Variants in SUGP2 observed in about 807,000 individuals in gnomAD.
SUGP2 encodes the protein SURP and G-patch domain containing 2.
Under a neutral mutation model 90.5 loss-of-function variants are expected in SUGP2, and 24 were observed. That is an observed-to-expected ratio of 0.27 (90% CI 0.19 to 0.37). The LOEUF (loss-of-function observed/expected upper bound fraction) is 0.37, where lower values mean the gene tolerates loss of function less well. SUGP2 is among the 10% of genes least tolerant of loss of function. SUGP2 has a pLI of 1.00. For missense variants in SUGP2, 1,233 were observed against 1,363.3 expected (o/e 0.90, Z 1.51); for synonymous variants, 473 against 513.4 (o/e 0.92, Z 1.06).
At chr19:18,994,257 G>T in intron 10 of SUGP2, 109 bp downstream of exon 10, 5 of 1,427,550 alleles carry the variant, frequency 3.5e-6, no homozygotes, top group Admixed American at 2.0e-5. Context: ...TTTTTTGTGT[G>T]TGGCATTTTT....
chr19:19,003,989 A>C (rs527641395), intron 7 of SUGP2, among the ~76,000 whole-genome samples, 179 bp downstream of exon 7: 1 of 152,360 alleles, frequency 6.6e-6, no homozygotes, highest in African/African-American at 2.4e-5. Context: ...GGTAGCAAGG[A>C]AACATGTCCT....
At chr19:19,002,516 T>TTTTTTTTTTTTTTG (rs1568389388) in intron 7 of SUGP2, among the ~76,000 whole-genome samples, 29 of 140,040 alleles carry the variant, frequency 2.1e-4, no homozygotes, top group African/African-American at 7.7e-4. Flanking sequence ...TTTTTTTTTT[T>TTTTTTTTTTTTTTG]TTTTTTTTTT....
Position 19,025,933 on chromosome 19 carries a change from C to G in SUGP2, c.415G>C (p.Ala139Pro), listed in dbSNP as rs772513115. ...TCTTGTTCCCAAGAACCACGGAGCG[C>G]AAATTTCCAGTCCTGAGAACGGAAA... ...GHFRSQDWKF[A>P]LRGSWEQDFG... Residue 139 changes from alanine (A) to proline (P), a missense_variant, in exon 3 of 11, where the codon GCG (alanine) becomes CCG (proline). By Grantham distance (27) the Ala-to-Pro change is conservative. Around this residue, in one of 8 missense-constraint regions of SUGP2, gnomAD observed 418 missense variants for 399.9 expected, o/e 1.05. Coordinates refer to ENST00000452918, the MANE Select transcript of SUGP2 (RefSeq NM_001017392.5). 1.2e-6 allele frequency: 2 copies of G among 1,614,164 alleles called. No homozygotes were observed.
chr19:19,013,204 T>C (rs1008760213), intron 4 of SUGP2, among the ~76,000 whole-genome samples: 6 of 152,236 alleles, frequency 3.9e-5, no homozygotes, highest in Non-Finnish European at 8.8e-5. Flanking sequence ...TTTATTTACA[T>C]GGCTCAAAGC....
chr19:19,009,355 C>T (rs959176537), intron 5 of SUGP2, among the ~76,000 whole-genome samples: 6 of 152,124 alleles, frequency 3.9e-5, no homozygotes, highest in African/African-American at 1.4e-4. Context: ...GCCTGTGGTA[C>T]AGAGAGAAAG....
intron 8 of SUGP2, among the ~76,000 whole-genome samples, chr19:18,999,275 A>G (rs758304403): frequency 2.0e-5 from 3 of 152,132 alleles, no homozygotes; most frequent in Non-Finnish European, 4.4e-5. Context: ...ACCCACAGTC[A>G]CTGGCAGACA....
At chr19:19,014,727 G>C (rs557371008) in intron 4 of SUGP2, among the ~76,000 whole-genome samples, 2 of 151,782 alleles carry the variant, frequency 1.3e-5, no homozygotes, top group South Asian at 2.1e-4. Context: ...TGTGAGCCCA[G>C]GTTGAGGCTG....
At chr19:19,000,487 C>T (rs1357873585) in intron 8 of SUGP2, among the ~76,000 whole-genome samples, 1 of 152,226 alleles carries the variant, frequency 6.6e-6, no homozygotes, top group Non-Finnish European at 1.5e-5. Flanking sequence ...GCACACACCA[C>T]GCTCTGCTTA....
At chr19:19,026,322 A>G (rs573051076) in intron 2 of SUGP2, 96 bp from the exon 3 acceptor site, 1 of 1,301,536 alleles carries the variant, frequency 7.7e-7, no homozygotes, top group South Asian at 1.6e-5. Context: ...ACGGATCACC[A>G]GGCAGCAAAA....
At chr19:19,013,794 C>A (rs2058390561) in intron 4 of SUGP2, among the ~76,000 whole-genome samples, 1 of 147,348 alleles carries the variant, frequency 6.8e-6, no homozygotes, top group Admixed American at 6.6e-5. Context: ...TCAGGGCTGG[C>A]CCACTCCCAG....
At chr19:19,001,078 C>T (rs548577644) in intron 8 of SUGP2, among the ~76,000 whole-genome samples, 19 of 150,908 alleles carry the variant, frequency 1.3e-4, no homozygotes, top group African/African-American at 4.2e-4. Context: ...TGCAGTGGCG[C>T]GATCTCGGCT....
In SUGP2 at chr19:19,026,240, T is replaced by G; in HGVS notation, c.122-14A>C. 1 of 1,433,888 alleles carries G rather than the reference T, an allele frequency of 7.0e-7. No homozygotes were observed. Among genetic ancestry groups the G allele is most frequent in the East Asian group, 2.5e-5 (1 of 40,080 alleles). The allele number at this position is 1,433,888 out of a possible 1,614,324, so 88.8% of individuals were successfully genotyped here. A position where few individuals can be genotyped will look rare whatever the true frequency, so the allele number is the denominator to read the frequency against. On this transcript the variant is annotated splice_polypyrimidine_tract_variant and intron_variant, in intron 2 of 10. Transcript: ENST00000452918. ...CCCTTAAGAGATCTGAAATAAACCA[T>G]CCAAAAAAAAAAAAGAAGAAGCCAA... is the stretch of plus-strand genomic sequence containing the variant.
intron 3 of SUGP2, among the ~76,000 whole-genome samples, chr19:19,021,783 C>G (rs1378206509): frequency 6.6e-6 from 1 of 151,872 alleles, no homozygotes; most frequent in African/African-American, 2.4e-5. Context: ...TCTCCTGCCT[C>G]AGCTTCCCAA....
intron 3 of SUGP2, among the ~76,000 whole-genome samples, chr19:19,019,967 T>C (rs2058652979): frequency 2.4e-5 from 2 of 84,512 alleles, no homozygotes; most frequent in East Asian, 4.1e-4. Context: ...GGCAACATGG[T>C]GAAACTCCGT....
intron 9 of SUGP2, chr19:18,994,833 C>T (rs770000651): frequency 1.1e-4 from 61 of 537,406 alleles, no homozygotes; most frequent in South Asian, 2.4e-4. Context: ...TATGGGTTCC[C>T]GGGAATGGGA....
chr19:19,008,548 G>T, intron 5 of SUGP2, 120 bp from the exon 6 acceptor site: 1 of 796,910 alleles, frequency 1.3e-6, no homozygotes, highest in Non-Finnish European at 2.2e-6. Context: ...CTGTAGCCTT[G>T]CCCTTCGTCA....
At chr19:19,029,869 G>A (rs1291041929) in intron 2 of SUGP2, among the ~76,000 whole-genome samples, 1 of 151,974 alleles carries the variant, frequency 6.6e-6, no homozygotes, top group Admixed American at 6.6e-5. Context: ...CTTGAATCCA[G>A]GAGGCACAGG....
chr19:19,025,812 A>C lies in SUGP2; in HGVS notation c.536T>G (p.Ile179Ser). The part of the protein sequence containing the change: ...VLGDFGSSRL[I>S]EKECLEKESR... ...CTCCTTCTCCAAACACTCTTTCTCA[A>C]TCAGCCTGGAAGATCCAAAGTCCCC... Residue 179 changes from isoleucine to serine, a missense_variant, in exon 3 of 11, where the codon ATT becomes AGT. Physicochemically the swap from Ile to Ser is moderately radical, Grantham distance 142. Coordinates refer to ENST00000452918, the MANE Select transcript of SUGP2 (RefSeq NM_001017392.5). The C allele has an allele frequency of 6.2e-7, 1 of 1,613,988 alleles. No homozygotes were observed. Among genetic ancestry groups the C allele is most frequent in the Non-Finnish European group, 8.5e-7 (1 of 1,179,998 alleles).
intron 8 of SUGP2, among the ~76,000 whole-genome samples, chr19:18,998,365 C>T (rs1398399518): frequency 1.3e-5 from 2 of 152,218 alleles, no homozygotes; most frequent in Non-Finnish European, 2.9e-5. Context: ...TGGCTCACTG[C>T]AGTCTTGAAC....
Sources: allele counts gnomAD v4.1 joint callset (sites outside exome capture counted in the v4.1 genomes callset), GRCh38; gene constraint gnomAD v4.1.1; regional missense constraint gnomAD v4.1.1; transcripts MANE v1.5; gene names NCBI Gene and HGNC (gene_info 2026-07-23, HGNC 2026-07-21).